Variants in ZNRF1 observed in about 807,000 individuals in gnomAD.
The protein encoded by ZNRF1 is E3 ubiquitin-protein ligase ZNRF1.
A neutral mutation model predicts 18.4 loss-of-function variants in ZNRF1; 3 were observed. The ratio of observed to expected loss-of-function variants is 0.16; its 90% confidence interval spans 0.07 to 0.42. The LOEUF (loss-of-function observed/expected upper bound fraction) is 0.42. ZNRF1 is among the 10% of genes least tolerant of loss of function. ZNRF1 has a pLI of 0.99. For missense variants in ZNRF1, 310 were observed against 329.8 expected, an observed-to-expected ratio of 0.94 and a Z score of 0.47; for synonymous variants, 157 against 144.2, an observed-to-expected ratio of 1.09 and a Z score of -0.64.
chr16:75,063,779 G>A (rs1176247099), intron 1 of ZNRF1, among the ~76,000 whole-genome samples: 2 of 152,198 alleles, frequency 1.3e-5, no homozygotes, highest in Non-Finnish European at 2.9e-5. Context: ...CAGAGAAGGA[G>A]TGAGAGGAGG....
At chr16:75,050,226 C>G (rs2035575700) in intron 1 of ZNRF1, among the ~76,000 whole-genome samples, 1 of 152,074 alleles carries the variant, frequency 6.6e-6, no homozygotes, top group South Asian at 2.1e-4. Context: ...CATCCGAGGA[C>G]CTTTTTAAAA....
intron 1 of ZNRF1, among the ~76,000 whole-genome samples, chr16:75,038,705 C>G (rs1297010292): frequency 2.6e-5 from 4 of 152,194 alleles, no homozygotes; most frequent in African/African-American, 9.7e-5. Context: ...AAGATGCTCT[C>G]CAGGAAGTCC....
intron 1 of ZNRF1, among the ~76,000 whole-genome samples, chr16:75,038,507 CAA>C (rs2145358512): frequency 6.6e-6 from 1 of 152,248 alleles, no homozygotes; most frequent in East Asian, 1.9e-4. Flanking sequence ...TTCCGTTGGT[CAA>C]AACAAGAATT....
chr16:75,053,768 C>A (rs1469957231), intron 1 of ZNRF1, among the ~76,000 whole-genome samples: 2 of 152,058 alleles, frequency 1.3e-5, no homozygotes, highest in East Asian at 1.9e-4. Flanking sequence ...CAGAAAATGT[C>A]TTTTCAGTTT....
intron 1 of ZNRF1, among the ~76,000 whole-genome samples, chr16:75,093,345 ACTG>A (rs1234533853): frequency 6.6e-6 from 1 of 151,310 alleles, no homozygotes; most frequent in Non-Finnish European, 1.5e-5. Flanking sequence ...AGATCGTGCC[ACTG>A]CACTCCAGCC....
At chr16:75,030,833 C>CTTTTTTTTTTTTT in intron 1 of ZNRF1, among the ~76,000 whole-genome samples, 2 of 91,380 alleles carry the variant, frequency 2.2e-5, no homozygotes, top group Non-Finnish European at 4.4e-5. Flanking sequence ...CACTTTATTC[C>CTTTTTTTTTTTTT]TTTTTTTTTT....
chr16:75,072,805 A>T (rs890176862), intron 1 of ZNRF1, among the ~76,000 whole-genome samples: 2 of 152,086 alleles, frequency 1.3e-5, no homozygotes, highest in African/African-American at 4.8e-5. Context: ...ACCCAATTGG[A>T]AGCAGGTGGC....
At chr16:75,060,383 G>T (rs2035726555) in intron 1 of ZNRF1, among the ~76,000 whole-genome samples, 1 of 151,314 alleles carries the variant, frequency 6.6e-6, no homozygotes, top group South Asian at 2.1e-4. Context: ...GTCCCACCTT[G>T]CCTGTGGCAG....
intron 2 of ZNRF1, among the ~76,000 whole-genome samples, chr16:75,099,015 C>T (rs897912498): frequency 1.2e-4 from 18 of 152,152 alleles, no homozygotes; most frequent in Non-Finnish European, 2.1e-4. Flanking sequence ...CCTCCATCCA[C>T]CTTGGGTCCT....
At chr16:75,088,606 G>C (rs2036101377) in intron 1 of ZNRF1, among the ~76,000 whole-genome samples, 1 of 152,180 alleles carries the variant, frequency 6.6e-6, no homozygotes, top group African/African-American at 2.4e-5. Flanking sequence ...GTGCTAGTCA[G>C]TCAGTAGCAC....
chr16:75,001,915 G>A (rs2034855110), intron 1 of ZNRF1, among the ~76,000 whole-genome samples: 1 of 152,132 alleles, frequency 6.6e-6, no homozygotes, highest in Non-Finnish European at 1.5e-5. Flanking sequence ...GGTAGGGAGA[G>A]CCACTGAACT....
chr16:75,079,295 C>T (rs540778213), intron 1 of ZNRF1, among the ~76,000 whole-genome samples: 3 of 152,266 alleles, frequency 2.0e-5, no homozygotes, highest in Admixed American at 1.3e-4. Flanking sequence ...TCCTGGCCAA[C>T]ATGGTGAAAC....
intron 1 of ZNRF1, among the ~76,000 whole-genome samples, chr16:75,077,271 G>A (rs1454441207): frequency 6.6e-6 from 1 of 152,216 alleles, no homozygotes; most frequent in Admixed American, 6.5e-5. Flanking sequence ...GGTGGCTCAC[G>A]CCTGTAATCC....
At chr16:75,054,456 A>G (rs1360642516) in intron 1 of ZNRF1, among the ~76,000 whole-genome samples, 1 of 152,176 alleles carries the variant, frequency 6.6e-6, no homozygotes, top group African/African-American at 2.4e-5. Flanking sequence ...GCACTGGCTC[A>G]TCTTTTCCTG....
intron 1 of ZNRF1, among the ~76,000 whole-genome samples, chr16:75,091,948 A>T (rs1200376277): frequency 1.3e-5 from 2 of 152,190 alleles, no homozygotes; most frequent in Non-Finnish European, 2.9e-5. Flanking sequence ...TATGTTATAA[A>T]TGTATTATAT....
At chr16:75,040,213 A>C in intron 1 of ZNRF1, among the ~76,000 whole-genome samples, 1 of 151,450 alleles carries the variant, frequency 6.6e-6, no homozygotes, top group East Asian at 1.9e-4. Flanking sequence ...CATGGCTTAA[A>C]ATCCAATTTT....
At chr16:75,016,410 C>T (rs2035070045) in intron 1 of ZNRF1, among the ~76,000 whole-genome samples, 1 of 150,396 alleles carries the variant, frequency 6.6e-6, no homozygotes, top group Admixed American at 6.6e-5. Flanking sequence ...TACTAATTTT[C>T]TGTAGTTTTA....
chr16:75,107,875 G>A lies in ZNRF1; in HGVS notation c.*175G>A, dbSNP rs1470656137. The A allele has an allele frequency of 2.2e-6, 1 of 448,796 alleles. No individual in the cohort carries two copies. Among genetic ancestry groups the A allele is most frequent in the South Asian group, 1.6e-5 (1 of 64,058 alleles). 27.8% of individuals were successfully genotyped at this position (448,796 alleles called of 1,614,324 possible). ...CCTTCCTCCCTGAGGACACCAAATT[G>A]GATGAGAGCAAGTTTGAGAGAAGAA... On this transcript the variant is annotated 3_prime_UTR_variant, in exon 5 of 5. Transcript: ENST00000335325.
intron 1 of ZNRF1, 175 bp downstream of exon 1, chr16:75,000,270 T>G: frequency 4.0e-6 from 4 of 995,524 alleles, no homozygotes; most frequent in Non-Finnish European, 6.1e-6. Flanking sequence ...CTAGGCTTTC[T>G]GCGAGGCTGC....
Sources: gnomAD v4.1 joint callset for allele counts (sites outside exome capture counted in the v4.1 genomes callset) on GRCh38, gnomAD v4.1.1 for gene constraint, MANE v1.5 for transcripts, NCBI Gene and HGNC (gene_info 2026-07-23, HGNC 2026-07-21) for gene names.